SLC47A2: variants seen among roughly 807,000 people sequenced by gnomAD.
SLC47A2 encodes solute carrier family 47 member 2.
In SLC47A2, 52 loss-of-function variants were observed where a neutral mutation model predicts 67.7. The observed-to-expected ratio is 0.77, with a 90% CI of 0.61 to 0.97. SLC47A2 has a LOEUF of 0.97. SLC47A2 is among the 50% of genes least tolerant of loss of function. The pLI is 0.00. For missense variants in SLC47A2, 676 were observed against 712.3 expected, an observed-to-expected ratio of 0.95 and a Z score of 0.58; for synonymous variants, 278 against 292.9, an observed-to-expected ratio of 0.95 and a Z score of 0.52.
chr17:19,702,239 G>T lies in SLC47A2; in HGVS notation c.1164+366C>A, dbSNP rs904330359. On this transcript the variant is annotated intron_variant, in intron 13 of 16. Transcript: ENST00000433844. ...CGTTCCCTTGTAGAAATGTCCCTCT[G>T]TGCTGGCAACAGGATATGGTTGCCA... The T allele has an allele frequency of 2.3e-5, 23 of 985,092 alleles. No homozygotes were observed. The Admixed American group carries it at 6.8e-4, about 29-fold the overall frequency. 61.0% of individuals were successfully genotyped at this position (985,092 alleles called of 1,614,324 possible).
chr17:19,702,504 A>G, intron 13 of SLC47A2, 101 bp downstream of exon 13: 1 of 1,556,450 alleles, frequency 6.4e-7, no homozygotes, highest in African/African-American at 1.4e-5. Context: ...CTTCATGTGT[A>G]TTAACAAGTT....
rs771692718 is a variant in SLC47A2, at chr17:19,708,275, C to T, written c.629+27G>A. Reference sequence around the variant, plus strand: ...GAGCTCAGTGGGCAGTGTCCCCTGACCAGGCCCCACCAGCCCCCGGGCTCA... The same window carrying T: ...GAGCTCAGTGGGCAGTGTCCCCTGATCAGGCCCCACCAGCCCCCGGGCTCA... On this transcript the variant is annotated intron_variant, in intron 7 of 16. Transcript: ENST00000433844. 1.9e-6 allele frequency: 3 copies of T among 1,610,544 alleles called. No individual in the cohort carries two copies. The South Asian group carries it at 3.3e-5, about 18-fold the overall frequency.
rs551403561 is a variant in SLC47A2 at position 19,678,847 on chromosome 17, C to T, written c.1540G>A (p.Val514Met). The T allele has an allele frequency of 4.3e-5, 70 of 1,611,396 alleles. No individual in the cohort carries two copies. In the African/African-American group the frequency reaches 6.3e-4, roughly 14 times the overall value. Residue 514 changes from valine (V) to methionine (M), a missense_variant, in exon 17 of 17, where the codon GTG becomes ATG. Coordinates refer to ENST00000433844, the MANE Select transcript of SLC47A2 (RefSeq NM_001099646.3). ...LTTYSRSECH[V>M]DFFRTPEEAH... ...TCCTCTGGAGTCCTGAAGAAGTCCA[C>T]GTGGCACTCAGACCTTGAATACGTT...
intron 11 of SLC47A2, 100 bp downstream of exon 11, chr17:19,703,970 C>T (rs1427522459): frequency 2.3e-6 from 2 of 883,386 alleles, no homozygotes; most frequent in African/African-American, 3.5e-5. Flanking sequence ...CCTGGCAGCT[C>T]CCGAGGCCAG....
intron 15 of SLC47A2, 151 bp from the exon 16 acceptor site, chr17:19,680,190 T>C (rs2085283107): frequency 1.3e-6 from 1 of 770,180 alleles, no homozygotes; most frequent in Non-Finnish European, 2.0e-6. Flanking sequence ...GAAAGTATCA[T>C]TTTAAGGCTG....
At chr17:19,696,729 G>A (rs1257574029) in intron 13 of SLC47A2, among the ~76,000 whole-genome samples, 1 of 152,162 alleles carries the variant, frequency 6.6e-6, no homozygotes, top group African/African-American at 2.4e-5. Flanking sequence ...TTGGTACTTT[G>A]TTATGGCAGT....
chr17:19,686,461 A>T (rs1468550953), intron 13 of SLC47A2, among the ~76,000 whole-genome samples: 2 of 152,210 alleles, frequency 1.3e-5, no homozygotes, highest in Non-Finnish European at 2.9e-5. Context: ...CAATAATAAC[A>T]TCGAATGTAA....
chr17:19,683,680 G>T (rs1053974171), intron 13 of SLC47A2, among the ~76,000 whole-genome samples: 8 of 152,174 alleles, frequency 5.3e-5, no homozygotes, highest in African/African-American at 1.9e-4. Context: ...GTACCCAGAA[G>T]AAAGTAAAAG....
chr17:19,714,936 C>T (rs893870947), intron 2 of SLC47A2, 147 bp from the exon 3 acceptor site: 44 of 1,300,556 alleles, frequency 3.4e-5, no homozygotes, highest in Non-Finnish European at 4.3e-5. Context: ...GTGCTGTGTG[C>T]CCCAGGGCCA....
chr17:19,699,977 T>A (rs1435960929), intron 13 of SLC47A2, among the ~76,000 whole-genome samples: 1 of 152,158 alleles, frequency 6.6e-6, no homozygotes, highest in African/African-American at 2.4e-5. Flanking sequence ...TGCTGCAGCA[T>A]TGATGAACCT....
intron 4 of SLC47A2, among the ~76,000 whole-genome samples, chr17:19,713,407 A>C (rs60028621): frequency 0.027 from 3,927 of 143,852 alleles, 107 homozygotes; most frequent in East Asian, 0.13. Context: ...TAATAATAAT[A>C]ATAATAATCA....
At chr17:19,707,957 C>G in intron 7 of SLC47A2, 114 bp from the exon 8 acceptor site, 1 of 1,001,882 alleles carries the variant, frequency 1.0e-6, no homozygotes, top group Non-Finnish European at 1.5e-6. Context: ...TGGCTCTGCT[C>G]TTCCCCCATC....
intron 12 of SLC47A2, 63 bp downstream of exon 12, chr17:19,703,029 G>A (rs2085827988): frequency 6.6e-7 from 1 of 1,518,712 alleles, no homozygotes; most frequent in Admixed American, 1.7e-5. Flanking sequence ...TGATAAATCT[G>A]AGGACACACT....
At chr17:19,680,842 CTGTTTA>C (rs927821080) in intron 15 of SLC47A2, among the ~76,000 whole-genome samples, 21 of 152,276 alleles carry the variant, frequency 1.4e-4, no homozygotes, top group Middle Eastern at 3.4e-3. Flanking sequence ...GGTTTTGTTT[CTGTTTA>C]TAACTGCAGA....
upstream of SLC47A2, chr17:19,718,947 C>G (rs867070406): frequency 6.6e-6 from 1 of 152,296 alleles, no homozygotes; most frequent in Non-Finnish European, 1.5e-5. Context: ...GATTCTGCCC[C>G]GGAACCTGAG....
At chr17:19,681,922 C>T (rs903960284) in intron 13 of SLC47A2, among the ~76,000 whole-genome samples, 1 of 152,154 alleles carries the variant, frequency 6.6e-6, no homozygotes, top group African/African-American at 2.4e-5. Context: ...CACTGCCACA[C>T]CATATGGCCT....
At chr17:19,706,543 G>T in intron 9 of SLC47A2, 105 bp downstream of exon 9, 1 of 922,304 alleles carries the variant, frequency 1.1e-6, no homozygotes, top group South Asian at 1.7e-5. Flanking sequence ...CTGCCATCCT[G>T]GGGAGGGGGC....
intron 3 of SLC47A2, chr17:19,714,374 T>C: frequency 2.4e-6 from 1 of 424,460 alleles, no homozygotes. Context: ...GTTCCTTCTG[T>C]GTCCCCTTGG....
chr17:19,679,109 CTG>C (rs1348710185), intron 16 of SLC47A2, among the ~76,000 whole-genome samples: 1 of 152,220 alleles, frequency 6.6e-6, no homozygotes, highest in Non-Finnish European at 1.5e-5. Flanking sequence ...GCATCTTAAA[CTG>C]TGAATTTCAC....
Sources: allele counts gnomAD v4.1 joint callset (sites outside exome capture counted in the v4.1 genomes callset), GRCh38; gene constraint gnomAD v4.1.1; transcripts MANE v1.5; gene names NCBI Gene and HGNC (gene_info 2026-07-23, HGNC 2026-07-21).